Variants in RBM48 observed in about 807,000 individuals in gnomAD.
RBM48 encodes RNA-binding protein 48.
Under a neutral mutation model 34.8 loss-of-function variants are expected in RBM48, and 32 were observed. The observed-to-expected ratio is 0.92, with a 90% CI of 0.69 to 1.23. RBM48 has a LOEUF of 1.23. RBM48 is among the 50% of genes most tolerant of loss of function. The probability of loss-of-function intolerance (pLI) is 0.00; values close to 1 mark genes in which losing one functional copy is unlikely to be tolerated. For synonymous variants in RBM48, 151 were observed against 156.2 expected, an observed-to-expected ratio of 0.97 and a Z score of 0.25; for missense variants, 441 against 447.2, an observed-to-expected ratio of 0.99 and a Z score of 0.12.
rs1241480758 is a variant in RBM48 at position 92,528,831 on chromosome 7, G to C, written c.18G>C (p.Gly6=). MASSG[G]ELGSLFDHHV... is the part of the protein sequence containing the mutation. Reference sequence around the variant, plus strand: ...TAGGCAAGATGGCGTCGAGCGGCGGGGAGCTAGGGAGTTTATTTGATCACC... The same window carrying C: ...TAGGCAAGATGGCGTCGAGCGGCGGCGAGCTAGGGAGTTTATTTGATCACC... Residue 6 remains glycine (G), a synonymous_variant, in exon 1 of 5, where the codon GGG becomes GGC. Transcript: ENST00000265732. 6.2e-7 allele frequency: 1 copy of C among 1,614,056 alleles called. No homozygotes were observed.
In RBM48 at chr7:92,532,503, A is replaced by G. The variant is rs770089596; in HGVS notation, c.402A>G (p.Lys134=). The G allele has an allele frequency of 9.3e-6, 15 of 1,613,372 alleles. No homozygotes were observed. Among genetic ancestry groups the G allele is most frequent in the Non-Finnish European group, 1.3e-5 (15 of 1,179,506 alleles). Residue 134 remains lysine (K), a synonymous_variant, in exon 3 of 5, where the codon AAA becomes AAG. Coordinates refer to ENST00000265732, the MANE Select transcript of RBM48 (RefSeq NM_032120.4). Reference sequence around the variant, plus strand: ...AAACAGTTGAAGAAACTAGAAAAAAACTACAAATGCGGAAGGCATATGTAG... The same window carrying G: ...AAACAGTTGAAGAAACTAGAAAAAAGCTACAAATGCGGAAGGCATATGTAG... The part of the protein sequence containing the change: ...EFETVEETRK[K]LQMRKAYVVK...
intron 1 of RBM48, chr7:92,529,266 AG>A (rs1282497001): frequency 3.5e-5 from 20 of 578,284 alleles, no homozygotes; most frequent in Admixed American, 1.0e-4. Context: ...TGTCGACTGA[AG>A]GTAGTCTGTT....
At chr7:92,528,958 G>T in intron 1 of RBM48, 34 bp downstream of exon 1, 2 of 1,465,900 alleles carry the variant, frequency 1.4e-6, no homozygotes, top group Non-Finnish European at 1.9e-6. Flanking sequence ...GCTCTCCTCG[G>T]TAGCTTTATG....
chr7:92,535,031 A>T lies in RBM48; in HGVS notation c.1017+61A>T, dbSNP rs1793677776. On this transcript the variant is annotated intron_variant, in intron 4 of 4. Transcript: ENST00000265732. ...ATTTGGTTATAGGATTAAATGGAGA[A>T]TTATTTGTGGGAACAATAGTACTGT... 4 of 1,585,896 alleles carry T rather than the reference A, an allele frequency of 2.5e-6. No homozygotes were observed. In the African/African-American group the frequency reaches 5.4e-5, roughly 21 times the overall value.
rs183873266 is a variant in RBM48 at position 92,535,045 on chromosome 7, C to T, written c.1017+75C>T. 19 of 1,548,944 alleles carry T rather than the reference C, an allele frequency of 1.2e-5. No homozygotes were observed. The Admixed American group carries it at 3.0e-4, about 25-fold the overall frequency. On this transcript the variant is annotated intron_variant, in intron 4 of 4. Coordinates refer to ENST00000265732, the MANE Select transcript of RBM48 (RefSeq NM_032120.4). Reference sequence around the variant, plus strand: ...TTAAATGGAGAATTATTTGTGGGAACAATAGTACTGTAATTTTTTTTCACT... The same window carrying T: ...TTAAATGGAGAATTATTTGTGGGAATAATAGTACTGTAATTTTTTTTCACT...
At position 92,534,572 on chromosome 7, in the gene RBM48, T is replaced by A; in HGVS notation, c.619T>A (p.Ser207Thr). The stretch of plus-strand genomic sequence containing the variant: ...CTGTGAATTGCCTTTATGTTATTTC[T>A]CCTCAAAATGTATGTGTTCATCCGG... ...YSCELPLCYF[S>T]SKCMCSSGGP... Residue 207 changes from serine to threonine, a missense_variant, in exon 4 of 5, where the codon TCC becomes ACC. Transcript: ENST00000265732. The A allele has an allele frequency of 3.7e-6, 6 of 1,614,168 alleles. No homozygotes were observed. Among genetic ancestry groups the A allele is most frequent in the Non-Finnish European group, 5.1e-6 (6 of 1,180,036 alleles).
chr7:92,529,823 CA>C (rs2116310460), intron 2 of RBM48, among the ~76,000 whole-genome samples, 157 bp downstream of exon 2: 1 of 152,294 alleles, frequency 6.6e-6, no homozygotes, highest in East Asian at 1.9e-4. Context: ...TTTACTGAAA[CA>C]CTGTATCCAT....
chr7:92,529,536 G>A lies in RBM48; in HGVS notation c.172G>A (p.Val58Ile). ...LLIQGVPAVG[V>I]MKELVERFAL... Reference sequence around the variant, plus strand: ...AATACAAGGAGTTCCTGCTGTGGGAGTCATGAAGGAATTAGTTGAGCGATT... The same window carrying A: ...AATACAAGGAGTTCCTGCTGTGGGAATCATGAAGGAATTAGTTGAGCGATT... Residue 58 changes from valine to isoleucine, a missense_variant, in exon 2 of 5, where the codon GTC (valine) becomes ATC (isoleucine). Transcript: ENST00000265732. The A allele has an allele frequency of 1.2e-6, 2 of 1,611,452 alleles. No individual in the cohort carries two copies. Among genetic ancestry groups the A allele is most frequent in the Non-Finnish European group, 1.7e-6 (2 of 1,177,666 alleles).
In RBM48 at chr7:92,539,469, A is replaced by G. The variant is rs1793807051; in HGVS notation, c.*2532A>G. 6.6e-6 allele frequency among the ~76,000 whole-genome samples: 1 copy of G among 152,230 alleles called. No individual in the cohort carries two copies. The highest frequency in any genetic ancestry group is 6.5e-5 in the Admixed American group (1 of 15,286). ...ATAATCCCAGCACTTTGGGAGGCCA[A>G]GGTGGGAGGATCACCTGAGGTCAGG... On this transcript the variant is annotated 3_prime_UTR_variant, in exon 5 of 5. Coordinates refer to ENST00000265732, the MANE Select transcript of RBM48 (RefSeq NM_032120.4).
At chr7:92,535,391 C>T (rs926667326) in intron 4 of RBM48, 1 of 1,047,918 alleles carries the variant, frequency 9.5e-7, no homozygotes, top group Non-Finnish European at 1.1e-6. Context: ...GCTTAATTTG[C>T]TTTTGTGATA....
rs1585282186 is a variant in RBM48, at chr7:92,539,651, AT to A, written c.*2716del. On this transcript the variant is annotated 3_prime_UTR_variant, in exon 5 of 5. Transcript: ENST00000265732. ...GAGGCAGAGATCGCAGTGAGTTGAG[AT>A]TGTACCACTGCACTCCAGTCTGGGC... Among the ~76,000 whole-genome samples, 1 of 152,202 alleles carries A rather than the reference AT, an allele frequency of 6.6e-6. No individual in the cohort carries two copies. The highest frequency in any genetic ancestry group is 1.9e-4 in the East Asian group (1 of 5,204).
chr7:92,534,493 T>C lies in RBM48; in HGVS notation c.540T>C (p.Cys180=), dbSNP rs1793653040. 1.9e-6 allele frequency: 3 copies of C among 1,614,100 alleles called. No individual in the cohort carries two copies. The highest frequency in any genetic ancestry group is 1.3e-5 in the African/African-American group (1 of 74,940). Reference sequence around the variant, plus strand: ...TCCACTCAGAGATGTCTGGATTTTGTAAAGCTGCTTTGAACACTTCTGCAG... The same window carrying C: ...TCCACTCAGAGATGTCTGGATTTTGCAAAGCTGCTTTGAACACTTCTGCAG... The part of the protein sequence containing the change: ...QDFHSEMSGF[C]KAALNTSAGN... Residue 180 remains cysteine, a synonymous_variant, in exon 4 of 5, where the codon TGT becomes TGC. Coordinates refer to ENST00000265732, the MANE Select transcript of RBM48 (RefSeq NM_032120.4).
At chr7:92,536,548 C>G in intron 4 of RBM48, 1 of 1,014,194 alleles carries the variant, frequency 9.9e-7, no homozygotes. Context: ...TATCTGAATC[C>G]GTAATATAAC....
chr7:92,534,443 G>A lies in RBM48; in HGVS notation c.490G>A (p.Asp164Asn). 6.2e-7 allele frequency: 1 copy of A among 1,613,846 alleles called. No homozygotes were observed. The highest frequency in any genetic ancestry group is 8.5e-7 in the Non-Finnish European group (1 of 1,179,838). ...GAAGAAATTGGTTACAGAGCATAAA[G>A]ACACAGAGGATTTTAGACAAGACTT... Reference protein sequence around the residue: ...TKKKLVTEHKDTEDFRQDFHS... With the variant: ...TKKKLVTEHKNTEDFRQDFHS... Residue 164 changes from aspartate to asparagine, a missense_variant, in exon 4 of 5, where the codon GAC (aspartate) becomes AAC (asparagine). Coordinates refer to ENST00000265732, the MANE Select transcript of RBM48 (RefSeq NM_032120.4).
At chr7:92,535,186 T>C in intron 4 of RBM48, 1 of 1,419,916 alleles carries the variant, frequency 7.0e-7, no homozygotes, top group Non-Finnish European at 9.2e-7. Context: ...AGACATTTTA[T>C]ATCACTGTAG....
chr7:92,536,462 C>T (rs1793713902), intron 4 of RBM48: 18 of 987,164 alleles, frequency 1.8e-5, no homozygotes, highest in Non-Finnish European at 2.0e-5. Context: ...GCTTCCTGCT[C>T]ATTTCTCCAA....
At chr7:92,531,022 C>CAGTG (rs1318383925) in intron 2 of RBM48, among the ~76,000 whole-genome samples, 1 of 151,966 alleles carries the variant, frequency 6.6e-6, no homozygotes, top group East Asian at 1.9e-4. Context: ...GTGGAGGTTG[C>CAGTG]AGTGAGTCTT....
At position 92,530,260 on chromosome 7, in the gene RBM48, G is replaced by A. The variant is rs554315568; in HGVS notation, c.302+594G>A. ...TGTAATCCCAGCACTTTGGGAGACC[G>A]AGGCAGGCAGATCACTTGAGGTCAG... is the stretch of plus-strand genomic sequence containing the variant. On this transcript the variant is annotated intron_variant, in intron 2 of 4. Coordinates refer to ENST00000265732, the MANE Select transcript of RBM48 (RefSeq NM_032120.4). 1.3e-4 allele frequency among the ~76,000 whole-genome samples: 20 copies of A among 151,568 alleles called. No homozygotes were observed. The South Asian group carries it at 4.0e-3, about 30-fold the overall frequency.
chr7:92,535,874 C>G, intron 4 of RBM48: 2 of 944,078 alleles, frequency 2.1e-6, no homozygotes, highest in Non-Finnish European at 2.5e-6. Context: ...GTGCCTCACA[C>G]CAATAACTTC....
Sources: allele counts gnomAD v4.1 joint callset (sites outside exome capture counted in the v4.1 genomes callset), GRCh38; gene constraint gnomAD v4.1.1; transcripts MANE v1.5; gene names NCBI Gene and HGNC (gene_info 2026-07-23, HGNC 2026-07-21).